CADPS: variants seen among roughly 807,000 people sequenced by gnomAD.
CADPS encodes the protein calcium-dependent secretion activator 1.
Under a neutral mutation model 167.3 loss-of-function variants are expected in CADPS, and 57 were observed. The observed-to-expected ratio is 0.34, with a 90% confidence interval of 0.28 to 0.42. The LOEUF (loss-of-function observed/expected upper bound fraction) is 0.42, where lower values mean the gene tolerates loss of function less well. CADPS is among the 20% of genes least tolerant of loss of function. The pLI is 1.00. For missense variants in CADPS, 1,414 were observed against 1,738.1 expected, an observed-to-expected ratio of 0.81 and a Z score of 3.32; for synonymous variants, 676 against 635.3, an observed-to-expected ratio of 1.06 and a Z score of -0.96.
chr3:62,523,235 C>T (rs914602484), intron 13 of CADPS, among the ~76,000 whole-genome samples: 1 of 152,180 alleles, frequency 6.6e-6, no homozygotes, highest in Middle Eastern at 3.4e-3. Flanking sequence ...GCTGCCCAAC[C>T]TTTGAGTGAC....
chr3:62,611,645 G>A (rs2149305840), intron 6 of CADPS, among the ~76,000 whole-genome samples: 1 of 152,194 alleles, frequency 6.6e-6, no homozygotes, highest in Non-Finnish European at 1.5e-5. Flanking sequence ...TCTCATTCTG[G>A]TTCATTTAGC....
chr3:62,438,868 AAAGAAG>A lies in CADPS; in HGVS notation c.3670-663_3670-658del, dbSNP rs1050469050. ...TGCAGCCTTAAAGTCCAAGGATTAA[AAAGAAG>A]AAGAAGAAGAGAAGAAACAAAAGGC... On this transcript the variant is annotated intron_variant, in intron 27 of 29. Coordinates refer to ENST00000383710, the MANE Select transcript of CADPS (RefSeq NM_003716.4). The surrounding 1 kb of genome is among the most constrained non-coding windows in gnomAD (Gnocchi z 4.7). 6.6e-6 allele frequency: 1 copy of A among 152,034 alleles called. No homozygotes were observed. The highest frequency in any genetic ancestry group is 1.5e-5 in the Non-Finnish European group (1 of 68,002). 9.4% of individuals were successfully genotyped at this position (152,034 alleles called of 1,614,324 possible).
At chr3:62,803,327 G>A (rs1241610408) in intron 1 of CADPS, among the ~76,000 whole-genome samples, 3 of 119,720 alleles carry the variant, frequency 2.5e-5, no homozygotes, top group Non-Finnish European at 5.3e-5. Flanking sequence ...CATTTGAGAT[G>A]CTTCCTTTTT....
intron 6 of CADPS, among the ~76,000 whole-genome samples, chr3:62,633,335 A>T (rs1579249028): frequency 6.6e-6 from 1 of 152,252 alleles, no homozygotes; most frequent in African/African-American, 2.4e-5. Flanking sequence ...CTCATGCCTC[A>T]TGCGGTCCTT....
chr3:62,677,689 T>A (rs565669421), intron 3 of CADPS, among the ~76,000 whole-genome samples: 2 of 152,212 alleles, frequency 1.3e-5, no homozygotes, highest in East Asian at 3.9e-4. Context: ...AACATTTGAT[T>A]ATGGGGGCAA....
chr3:62,842,371 T>C (rs2076765533), intron 1 of CADPS, among the ~76,000 whole-genome samples: 1 of 152,224 alleles, frequency 6.6e-6, no homozygotes, highest in Non-Finnish European at 1.5e-5. Flanking sequence ...ATTCAGGTTG[T>C]CAAGTTCCAG....
intron 11 of CADPS, among the ~76,000 whole-genome samples, chr3:62,545,453 G>T (rs1168656623): frequency 6.6e-6 from 1 of 151,952 alleles, no homozygotes. Flanking sequence ...TGTATAGCTA[G>T]GTGCTGACTT....
At chr3:62,756,767 G>T (rs1005854318) in intron 2 of CADPS, among the ~76,000 whole-genome samples, 1 of 152,142 alleles carries the variant, frequency 6.6e-6, no homozygotes, top group African/African-American at 2.4e-5. Context: ...TAGAGAGAAG[G>T]AACAATACGT....
intron 24 of CADPS, among the ~76,000 whole-genome samples, chr3:62,469,129 T>C (rs564800056): frequency 1.2e-4 from 19 of 152,328 alleles, no homozygotes; most frequent in Non-Finnish European, 4.4e-5. Flanking sequence ...TTGTGGAAGA[T>C]AGCAGAGCAG....
At chr3:62,427,655 AGAAGC>A (rs2053036157) in intron 28 of CADPS, among the ~76,000 whole-genome samples, 5 of 152,140 alleles carry the variant, frequency 3.3e-5, no homozygotes, top group African/African-American at 1.2e-4. Context: ...ACCCCCCGGT[AGAAGC>A]ACTAACTCAG....
intron 13 of CADPS, among the ~76,000 whole-genome samples, chr3:62,529,910 T>C (rs1220814011): frequency 6.6e-6 from 1 of 152,150 alleles, no homozygotes; most frequent in Admixed American, 6.5e-5. Context: ...AGTGTTAATT[T>C]TGGGTGACGG....
chr3:62,688,387 G>C (rs150949888), intron 3 of CADPS, among the ~76,000 whole-genome samples: 74 of 152,176 alleles, frequency 4.9e-4, no homozygotes, highest in African/African-American at 1.8e-3. Flanking sequence ...GTCTCTAATA[G>C]CATTGTTATA....
chr3:62,563,178 C>T (rs937567802), intron 9 of CADPS, among the ~76,000 whole-genome samples: 14 of 150,982 alleles, frequency 9.3e-5, no homozygotes, highest in African/African-American at 3.1e-4. Flanking sequence ...GATAACCAGA[C>T]TATATCTGAT....
chr3:62,667,298 G>C (rs1325125363), intron 3 of CADPS, among the ~76,000 whole-genome samples: 2 of 151,982 alleles, frequency 1.3e-5, no homozygotes, highest in African/African-American at 2.4e-5. Flanking sequence ...TCTCCTCCCT[G>C]CCTTTAGGAT....
rs964945621 is a variant in CADPS, at chr3:62,839,227, C to T, written c.441+35362G>A. 2.0e-5 allele frequency among the ~76,000 whole-genome samples: 3 copies of T among 152,062 alleles called. No individual in the cohort carries two copies. In the South Asian group the frequency reaches 6.2e-4, roughly 32 times the overall value. On this transcript the variant is annotated intron_variant, in intron 1 of 29. Transcript: ENST00000383710. ...GTTGTTTTTTTGAGACAGAGTCTTGCTCGGTCACCCAGGTTGGAGTGCAGT... is the reference window on the plus strand; with the variant it reads ...GTTGTTTTTTTGAGACAGAGTCTTGTTCGGTCACCCAGGTTGGAGTGCAGT...
intron 6 of CADPS, among the ~76,000 whole-genome samples, chr3:62,594,371 C>T (rs973391928): frequency 2.0e-5 from 3 of 151,804 alleles, no homozygotes; most frequent in Non-Finnish European, 1.5e-5. Flanking sequence ...CCGTTTTAGC[C>T]GGGATGGTCT....
chr3:62,753,216 C>T lies in CADPS; in HGVS notation c.888+225G>A, dbSNP rs2083092425. On this transcript the variant is annotated intron_variant, in intron 3 of 29. Coordinates refer to ENST00000383710, the MANE Select transcript of CADPS (RefSeq NM_003716.4). This position sits in a 1 kb window ranked among gnomAD's most constrained non-coding sequence, Gnocchi z 4.6. ...ACACAATGAGCTCAATGCCTAGGGC[C>T]CCTGAGACTTTTAAGGGCTCATAAA... Among the ~76,000 whole-genome samples, 1 of 151,976 alleles carries T rather than the reference C, an allele frequency of 6.6e-6. No homozygotes were observed. Among genetic ancestry groups the T allele is most frequent in the African/African-American group, 2.4e-5 (1 of 41,330 alleles).
intron 28 of CADPS, among the ~76,000 whole-genome samples, chr3:62,413,416 T>G (rs551711975): frequency 1.2e-4 from 19 of 152,288 alleles, no homozygotes; most frequent in Middle Eastern, 6.8e-3. Flanking sequence ...ATGGGGTATA[T>G]ACATACAATG....
chr3:62,831,184 T>C (rs1305799809), intron 1 of CADPS, among the ~76,000 whole-genome samples: 1 of 152,206 alleles, frequency 6.6e-6, no homozygotes, highest in Non-Finnish European at 1.5e-5. Flanking sequence ...ATCTCTTGTG[T>C]GCTGTATGCC....
Sources: allele counts gnomAD v4.1 joint callset (sites outside exome capture counted in the v4.1 genomes callset), GRCh38; gene constraint gnomAD v4.1.1; non-coding constraint Gnocchi (gnomAD v3.1); transcripts MANE v1.5; gene names NCBI Gene and HGNC (gene_info 2026-07-23, HGNC 2026-07-21).